The following GPC6 variants were observed in gnomAD, a reference collection of about 807,000 sequenced individuals.
GPC6 encodes the protein glypican-6.
GPC6 carries 14 observed loss-of-function variants against 55.2 expected under a neutral mutation model. The observed-to-expected ratio is 0.25, with a 90% confidence interval of 0.17 to 0.40. The LOEUF (loss-of-function observed/expected upper bound fraction) is 0.40. Among genes scored for constraint, GPC6 ranks in the 10% least tolerant of loss-of-function variants. The pLI is 1.00. For missense variants in GPC6, 641 were observed against 708.5 expected, an observed-to-expected ratio of 0.90 and a Z score of 1.08; for synonymous variants, 278 against 259.6, an observed-to-expected ratio of 1.07 and a Z score of -0.68.
At chr13:94,158,867 C>T (rs536829602) in intron 4 of GPC6, among the ~76,000 whole-genome samples, 30 of 152,092 alleles carry the variant, frequency 2.0e-4, no homozygotes, top group Non-Finnish European at 3.4e-4. Flanking sequence ...CAAGACATAG[C>T]ATATGGCAGC....
intron 2 of GPC6, among the ~76,000 whole-genome samples, chr13:93,724,835 T>G (rs946092087): frequency 6.6e-6 from 1 of 152,050 alleles, no homozygotes; most frequent in African/African-American, 2.4e-5. Flanking sequence ...TTCATAGCAG[T>G]ATGATGAAAA....
intron 1 of GPC6, among the ~76,000 whole-genome samples, chr13:93,440,228 C>A (rs1000085296): frequency 6.6e-6 from 1 of 152,144 alleles, no homozygotes; most frequent in Non-Finnish European, 1.5e-5. Flanking sequence ...ATTTCTTCAA[C>A]CACTTGGATA....
intron 3 of GPC6, among the ~76,000 whole-genome samples, chr13:93,938,880 G>A (rs1018778752): frequency 1.3e-5 from 2 of 152,100 alleles, no homozygotes; most frequent in African/African-American, 4.8e-5. Flanking sequence ...GAGGTGGGCG[G>A]ATCACAAAGT....
chr13:93,403,390 A>G (rs961846101), intron 1 of GPC6, among the ~76,000 whole-genome samples: 1 of 151,822 alleles, frequency 6.6e-6, no homozygotes, highest in Non-Finnish European at 1.5e-5. Flanking sequence ...TCCTGAAGCT[A>G]TTCCTTTTCT....
At chr13:94,195,055 T>C (rs927774588) in intron 4 of GPC6, among the ~76,000 whole-genome samples, 61 of 152,320 alleles carry the variant, frequency 4.0e-4, no homozygotes, top group African/African-American at 1.4e-3. Context: ...TTTTATTCTT[T>C]TCAAAATAAG....
At chr13:93,319,125 A>G (rs1368862837) in intron 1 of GPC6, among the ~76,000 whole-genome samples, 3 of 152,154 alleles carry the variant, frequency 2.0e-5, no homozygotes, top group African/African-American at 7.2e-5. Context: ...AGTGAAAGCT[A>G]ATTTTCTGGA....
At chr13:93,257,451 A>T (rs1203195519) in intron 1 of GPC6, among the ~76,000 whole-genome samples, 2 of 152,222 alleles carry the variant, frequency 1.3e-5, no homozygotes, top group African/African-American at 4.8e-5. Context: ...GTTGAAGGTC[A>T]CCCATTAATG....
At position 94,306,606 on chromosome 13, in the gene GPC6, A is replaced by G. The variant is rs372175042; in HGVS notation, c.1152+483A>G. 4.4e-4 allele frequency among the ~76,000 whole-genome samples: 66 copies of G among 151,606 alleles called. 1 individual carries two copies. The South Asian group carries it at 0.013, about 31-fold the overall frequency. ...TTACTATCATTTTTTTTTCTTTTTT[A>G]TGTGTCTTTAAAAAGTTGGAATCCT... On this transcript the variant is annotated intron_variant, in intron 6 of 8. Coordinates refer to ENST00000377047, the MANE Select transcript of GPC6 (RefSeq NM_005708.5).
intron 2 of GPC6, among the ~76,000 whole-genome samples, chr13:93,665,136 A>G (rs1421187625): frequency 6.6e-6 from 1 of 152,194 alleles, no homozygotes; most frequent in Non-Finnish European, 1.5e-5. Flanking sequence ...ACGCCCATGA[A>G]TCTGCAACCT....
intron 1 of GPC6, among the ~76,000 whole-genome samples, chr13:93,231,314 C>CAT (rs1161342600): frequency 3.7e-4 from 30 of 80,126 alleles, no homozygotes; most frequent in South Asian, 1.7e-3. Context: ...TTCCTCATTT[C>CAT]ATATATATAT....
chr13:93,776,494 G>A (rs1885473243), intron 2 of GPC6, among the ~76,000 whole-genome samples: 1 of 151,872 alleles, frequency 6.6e-6, no homozygotes, highest in Non-Finnish European at 1.5e-5. Context: ...AGTGTCCATA[G>A]CATCTTCTTT....
At chr13:93,842,345 TATATAAA>T (rs1228083575) in intron 3 of GPC6, among the ~76,000 whole-genome samples, 1 of 152,146 alleles carries the variant, frequency 6.6e-6, no homozygotes, top group African/African-American at 2.4e-5. Flanking sequence ...AGAAGATAAC[TATATAAA>T]ATATTTATGC....
chr13:93,982,594 A>G (rs943099803), intron 3 of GPC6, among the ~76,000 whole-genome samples: 1 of 152,174 alleles, frequency 6.6e-6, no homozygotes, highest in Non-Finnish European at 1.5e-5. Flanking sequence ...TTATTTCTCT[A>G]TCCTAACTAC....
chr13:94,095,530 A>T (rs1028186785), intron 4 of GPC6, among the ~76,000 whole-genome samples: 2 of 152,194 alleles, frequency 1.3e-5, no homozygotes, highest in African/African-American at 4.8e-5. Context: ...TTTTTAAAAT[A>T]ACTATTCAAA....
At chr13:93,417,482 G>T (rs2139253555) in intron 1 of GPC6, among the ~76,000 whole-genome samples, 1 of 152,090 alleles carries the variant, frequency 6.6e-6, no homozygotes, top group East Asian at 1.9e-4. Context: ...AGGATCAATG[G>T]CCTTGTAGTG....
At chr13:93,441,404 G>GTATC (rs1408006646) in intron 1 of GPC6, among the ~76,000 whole-genome samples, 1 of 152,096 alleles carries the variant, frequency 6.6e-6, no homozygotes, top group Non-Finnish European at 1.5e-5. Flanking sequence ...GTGTGAGATG[G>GTATC]TATCTCATTG....
rs190977012 is a variant in GPC6, at chr13:93,600,457, C to T, written c.319+55036C>T. Among the ~76,000 whole-genome samples, 46 of 152,238 alleles carry T rather than the reference C, an allele frequency of 3.0e-4. No homozygotes were observed. The East Asian group carries it at 6.6e-3, about 22-fold the overall frequency. On this transcript the variant is annotated intron_variant, in intron 2 of 8. Transcript: ENST00000377047. ...CTGGGAAGCTCATACTCATTTTTAG[C>T]AGGATTCTATGTTAAACTTTCTAAG...
intron 3 of GPC6, among the ~76,000 whole-genome samples, chr13:93,875,406 A>T (rs1167811613): frequency 6.6e-6 from 1 of 152,032 alleles, no homozygotes; most frequent in Non-Finnish European, 1.5e-5. Context: ...TAACTTTTTT[A>T]AAAGAAACTT....
chr13:93,458,198 A>G (rs1457828686), intron 1 of GPC6, among the ~76,000 whole-genome samples: 1 of 152,194 alleles, frequency 6.6e-6, no homozygotes, highest in Non-Finnish European at 1.5e-5. Flanking sequence ...GTGATCACAC[A>G]TACTGCTCAG....
Sources: allele counts gnomAD v4.1 joint callset (sites outside exome capture counted in the v4.1 genomes callset), GRCh38; gene constraint gnomAD v4.1.1; transcripts MANE v1.5; gene names NCBI Gene and HGNC (gene_info 2026-07-23, HGNC 2026-07-21).